TAFA4: variants seen among roughly 807,000 people sequenced by gnomAD.
TAFA4 encodes TAFA chemokine like family member 4.
TAFA4 carries 20 observed loss-of-function variants against 21.1 expected under a neutral mutation model. The observed-to-expected ratio is 0.95, with a 90% CI of 0.67 to 1.38. The LOEUF (loss-of-function observed/expected upper bound fraction) is 1.38, where lower values mean the gene tolerates loss of function less well. Among genes scored for constraint, TAFA4 ranks in the 40% most tolerant of loss-of-function variants. The pLI is 0.00. For missense variants in TAFA4, 211 were observed against 180.9 expected, an observed-to-expected ratio of 1.17 and a Z score of -0.95; for synonymous variants, 71 against 67.4, an observed-to-expected ratio of 1.05 and a Z score of -0.26.
intron 1 of TAFA4, among the ~76,000 whole-genome samples, chr3:68,894,904 G>C (rs1041851287): frequency 1.3e-5 from 2 of 152,124 alleles, no homozygotes; most frequent in African/African-American, 4.8e-5. Context: ...GCCCAGCCTG[G>C]AGTGCAATGG....
intron 1 of TAFA4, among the ~76,000 whole-genome samples, chr3:68,903,749 C>T (rs2089867915): frequency 6.6e-6 from 1 of 152,156 alleles, no homozygotes. Context: ...TTTCATCACC[C>T]TGTTTTATGT....
intron 3 of TAFA4, among the ~76,000 whole-genome samples, chr3:68,806,556 C>T (rs1450525123): frequency 1.3e-5 from 2 of 152,118 alleles, no homozygotes; most frequent in Non-Finnish European, 2.9e-5. Context: ...ACAAATATCA[C>T]CAACATTCAT....
chr3:68,852,555 T>C (rs959130896), intron 3 of TAFA4, among the ~76,000 whole-genome samples: 5 of 152,172 alleles, frequency 3.3e-5, no homozygotes, highest in Admixed American at 6.5e-5. Flanking sequence ...ACTCCATGAC[T>C]GTCTCAACCA....
At chr3:68,886,529 C>G (rs1375117235) in intron 1 of TAFA4, among the ~76,000 whole-genome samples, 1 of 152,142 alleles carries the variant, frequency 6.6e-6, no homozygotes, top group Non-Finnish European at 1.5e-5. Flanking sequence ...ATATTGGAAA[C>G]CAAAATGACC....
intron 3 of TAFA4, among the ~76,000 whole-genome samples, chr3:68,832,373 G>A (rs892782724): frequency 6.6e-6 from 1 of 152,144 alleles, no homozygotes; most frequent in African/African-American, 2.4e-5. Flanking sequence ...TGGTGTGGAT[G>A]TCCTTTTTTG....
At chr3:68,897,596 A>G (rs999600623) in intron 1 of TAFA4, among the ~76,000 whole-genome samples, 4 of 151,912 alleles carry the variant, frequency 2.6e-5, no homozygotes, top group Admixed American at 6.6e-5. Flanking sequence ...ATTGCACTCC[A>G]TTCTGGGCAA....
chr3:68,845,743 G>C (rs185602745), intron 3 of TAFA4, among the ~76,000 whole-genome samples: 1 of 152,168 alleles, frequency 6.6e-6, no homozygotes, highest in African/African-American at 2.4e-5. Flanking sequence ...GCATTTGCTT[G>C]TCTGTAAAGG....
At chr3:68,791,356 C>T (rs976177932) in intron 3 of TAFA4, among the ~76,000 whole-genome samples, 4 of 152,012 alleles carry the variant, frequency 2.6e-5, no homozygotes, top group Admixed American at 1.3e-4. Flanking sequence ...CAATGGAGGC[C>T]GAGATTGAAG....
intron 1 of TAFA4, among the ~76,000 whole-genome samples, chr3:68,906,598 T>A (rs12714749): frequency 5.9e-5 from 9 of 151,918 alleles, no homozygotes; most frequent in African/African-American, 1.5e-4. Flanking sequence ...TCCAGAGTCC[T>A]TCTCTTATCA....
chr3:68,907,145 A>G (rs1019616541), intron 1 of TAFA4, among the ~76,000 whole-genome samples: 2 of 152,022 alleles, frequency 1.3e-5, no homozygotes, highest in African/African-American at 4.8e-5. Flanking sequence ...GGTTTCAATA[A>G]CGTGATTTTA....
intron 3 of TAFA4, among the ~76,000 whole-genome samples, chr3:68,777,873 T>C (rs1703077337): frequency 6.6e-6 from 1 of 152,140 alleles, no homozygotes; most frequent in Admixed American, 6.5e-5. Context: ...TCCAGGTTTG[T>C]AACTTAGAAG....
At chr3:68,808,878 G>C (rs756023131) in intron 3 of TAFA4, among the ~76,000 whole-genome samples, 1 of 152,096 alleles carries the variant, frequency 6.6e-6, no homozygotes, top group Non-Finnish European at 1.5e-5. Flanking sequence ...CCTCATTCTA[G>C]TACACAAATC....
At chr3:68,843,834 T>A (rs1277633071) in intron 3 of TAFA4, among the ~76,000 whole-genome samples, 2 of 152,256 alleles carry the variant, frequency 1.3e-5, no homozygotes, top group Non-Finnish European at 2.9e-5. Flanking sequence ...TATTTTCATA[T>A]GTTGAATCAG....
chr3:68,862,596 C>G (rs1047108039), intron 3 of TAFA4, among the ~76,000 whole-genome samples: 10 of 152,074 alleles, frequency 6.6e-5, no homozygotes, highest in African/African-American at 2.4e-4. Context: ...GAACTACAAA[C>G]GTATTTCCAA....
intron 3 of TAFA4, among the ~76,000 whole-genome samples, chr3:68,803,794 A>ATTTTTT (rs1469358679): frequency 2.7e-4 from 16 of 58,780 alleles, no homozygotes; most frequent in East Asian, 1.2e-3. Context: ...TACATCTCTG[A>ATTTTTT]TTCTTTTTTT....
rs560504434 is a variant in TAFA4 at position 68,853,333 on chromosome 3, A to C, written c.130+27397T>G. Among the ~76,000 whole-genome samples, 3 of 152,292 alleles carry C rather than the reference A, an allele frequency of 2.0e-5. No individual in the cohort carries two copies. The South Asian group carries it at 6.2e-4, about 32-fold the overall frequency. ...TGAATATGGGAAAGTGTGACTCCGT[A>C]ATATCTATCTTCCTTCCCTTACCTT... On this transcript the variant is annotated intron_variant, in intron 3 of 5. Transcript: ENST00000295569.
At chr3:68,831,672 C>T (rs887940887) in intron 3 of TAFA4, among the ~76,000 whole-genome samples, 9 of 152,140 alleles carry the variant, frequency 5.9e-5, no homozygotes, top group African/African-American at 1.7e-4. Context: ...TGGGGTTGCT[C>T]GTCTTGAGGA....
chr3:68,893,500 G>T (rs1185110162), intron 1 of TAFA4, among the ~76,000 whole-genome samples: 2 of 152,188 alleles, frequency 1.3e-5, no homozygotes, highest in Non-Finnish European at 2.9e-5. Context: ...ACTCCCAAAT[G>T]AATGGTCATT....
intron 3 of TAFA4, among the ~76,000 whole-genome samples, chr3:68,774,285 A>G (rs1703009951): frequency 6.6e-6 from 1 of 152,228 alleles, no homozygotes; most frequent in Admixed American, 6.5e-5. Context: ...ATTCTGCTGC[A>G]AGCATTAGAT....
Sources: allele counts gnomAD v4.1 joint callset (sites outside exome capture counted in the v4.1 genomes callset), GRCh38; gene constraint gnomAD v4.1.1; transcripts MANE v1.5; gene names NCBI Gene and HGNC (gene_info 2026-07-23, HGNC 2026-07-21).